The following PCDH7 variants were observed in gnomAD, a reference collection of about 807,000 sequenced individuals.
PCDH7 encodes protocadherin 7.
In PCDH7, 17 loss-of-function variants were observed where a neutral mutation model predicts 58.9. The ratio of observed to expected loss-of-function variants is 0.29; its 90% CI spans 0.20 to 0.43. PCDH7 has a LOEUF of 0.43. Ranked by LOEUF, PCDH7 falls within the 20% of genes least tolerant of loss-of-function variation. The pLI is 1.00. For missense variants in PCDH7, 1,274 were observed against 1,441.0 expected, an observed-to-expected ratio of 0.88 and a Z score of 1.88; for synonymous variants, 664 against 616.4, an observed-to-expected ratio of 1.08 and a Z score of -1.14.
At chr4:30,952,876 G>C (rs1164323809) in intron 3 of PCDH7, among the ~76,000 whole-genome samples, 1 of 152,100 alleles carries the variant, frequency 6.6e-6, no homozygotes, top group Admixed American at 6.6e-5. Flanking sequence ...GGCTTGCTGG[G>C]AAATTAGGAT....
chr4:31,005,746 C>T (rs1752720710), intron 3 of PCDH7, among the ~76,000 whole-genome samples: 2 of 152,098 alleles, frequency 1.3e-5, no homozygotes, highest in African/African-American at 2.4e-5. Context: ...AGTATAGGTC[C>T]AGTGTGGTCA....
At chr4:30,727,034 G>A (rs903224727) in intron 1 of PCDH7, among the ~76,000 whole-genome samples, 2 of 151,524 alleles carry the variant, frequency 1.3e-5, no homozygotes, top group Admixed American at 6.6e-5. Context: ...TGTTATAAAA[G>A]AAAAAAAGAG....
At chr4:30,868,431 T>G (rs1219675941) in intron 1 of PCDH7, among the ~76,000 whole-genome samples, 1 of 152,138 alleles carries the variant, frequency 6.6e-6, no homozygotes, top group Non-Finnish European at 1.5e-5. Flanking sequence ...TGCCTTTTCC[T>G]GAGCACTTAC....
intron 1 of PCDH7, among the ~76,000 whole-genome samples, chr4:30,846,023 A>G (rs1731899250): frequency 6.6e-6 from 1 of 152,180 alleles, no homozygotes; most frequent in African/African-American, 2.4e-5. Flanking sequence ...TAATAATGGT[A>G]GTCTAATGGT....
At chr4:31,133,482 A>T (rs926830888) in intron 3 of PCDH7, among the ~76,000 whole-genome samples, 1 of 152,196 alleles carries the variant, frequency 6.6e-6, no homozygotes, top group African/African-American at 2.4e-5. Context: ...GGGATAATCA[A>T]TTGGTTATTG....
chr4:30,774,913 T>G (rs1721872771), intron 1 of PCDH7, among the ~76,000 whole-genome samples: 1 of 152,240 alleles, frequency 6.6e-6, no homozygotes, highest in Non-Finnish European at 1.5e-5. Flanking sequence ...GTGTGCAATT[T>G]AGTTGGCTTA....
chr4:30,963,013 A>G (rs1748617653), intron 3 of PCDH7, among the ~76,000 whole-genome samples: 1 of 152,110 alleles, frequency 6.6e-6, no homozygotes, highest in African/African-American at 2.4e-5. Flanking sequence ...AATCAGAGGA[A>G]GTGTGGGAGG....
intron 3 of PCDH7, among the ~76,000 whole-genome samples, chr4:31,091,124 T>C (rs1050148711): frequency 1.3e-5 from 2 of 152,014 alleles, no homozygotes; most frequent in African/African-American, 2.4e-5. Context: ...TATTATATCC[T>C]GTCACCAAAA....
chr4:30,966,823 G>T (rs1209518706), intron 3 of PCDH7, among the ~76,000 whole-genome samples: 4 of 152,034 alleles, frequency 2.6e-5, no homozygotes, highest in Non-Finnish European at 5.9e-5. Context: ...ATCAAAATTG[G>T]TTTAAAGGAC....
intron 3 of PCDH7, among the ~76,000 whole-genome samples, chr4:31,050,519 G>A (rs1371285646): frequency 6.6e-6 from 1 of 152,098 alleles, no homozygotes; most frequent in Non-Finnish European, 1.5e-5. Flanking sequence ...TGTAAAAGAT[G>A]TCTTCTAAAT....
At chr4:31,059,613 C>T (rs1757526611) in intron 3 of PCDH7, among the ~76,000 whole-genome samples, 1 of 151,774 alleles carries the variant, frequency 6.6e-6, no homozygotes, top group South Asian at 2.1e-4. Flanking sequence ...TGATTTTCAA[C>T]TTGAGCTAGA....
At chr4:31,129,743 C>T (rs757878881) in intron 3 of PCDH7, among the ~76,000 whole-genome samples, 15 of 152,048 alleles carry the variant, frequency 9.9e-5, no homozygotes, top group African/African-American at 2.4e-4. Context: ...AGTGATTCTC[C>T]GGCCTCGGCC....
intron 3 of PCDH7, among the ~76,000 whole-genome samples, chr4:30,992,799 T>A (rs958329091): frequency 7.0e-6 from 1 of 141,974 alleles, no homozygotes; most frequent in Admixed American, 7.0e-5. Flanking sequence ...CATTCTTTTT[T>A]TTTTTTTTTT....
intron 1 of PCDH7, among the ~76,000 whole-genome samples, chr4:30,832,303 T>C (rs566166957): frequency 1.3e-5 from 2 of 152,340 alleles, no homozygotes; most frequent in East Asian, 3.9e-4. Flanking sequence ...TTTAGACTCC[T>C]GAAGAACTTC....
At chr4:31,102,100 G>A (rs1403534432) in intron 3 of PCDH7, among the ~76,000 whole-genome samples, 2 of 152,006 alleles carry the variant, frequency 1.3e-5, no homozygotes, top group Non-Finnish European at 2.9e-5. Context: ...TCTAGCAATA[G>A]GTATCATTCT....
intron 1 of PCDH7, among the ~76,000 whole-genome samples, chr4:30,758,473 C>T (rs1719600460): frequency 1.3e-5 from 2 of 152,300 alleles, no homozygotes; most frequent in South Asian, 4.1e-4. Context: ...CCAGTATGAG[C>T]AGTTACTGCC....
intron 3 of PCDH7, among the ~76,000 whole-genome samples, chr4:30,960,151 A>AGGTAGGGAGGG (rs1553919900): frequency 3.2e-5 from 1 of 30,868 alleles, no homozygotes; most frequent in African/African-American, 3.9e-4. Context: ...GGAAGGAAGG[A>AGGTAGGGAGGG]AGGGAGGGAG....
chr4:30,784,897 A>G (rs190206021), intron 1 of PCDH7, among the ~76,000 whole-genome samples: 4 of 152,064 alleles, frequency 2.6e-5, no homozygotes, highest in Non-Finnish European at 5.9e-5. Flanking sequence ...AAAGTCAAAG[A>G]TAACCTTGTG....
chr4:31,132,350 CT>C (rs1203788913), intron 3 of PCDH7, among the ~76,000 whole-genome samples: 9 of 151,968 alleles, frequency 5.9e-5, no homozygotes, highest in African/African-American at 1.7e-4. Flanking sequence ...TGAGCGCTTC[CT>C]TCAAGATTAC....
Sources: gnomAD v4.1 joint callset for allele counts (sites outside exome capture counted in the v4.1 genomes callset) on GRCh38, gnomAD v4.1.1 for gene constraint, MANE v1.5 for transcripts, NCBI Gene and HGNC (gene_info 2026-07-23, HGNC 2026-07-21) for gene names.